Variants in DTWD1 observed in about 807,000 individuals in gnomAD.
The protein encoded by DTWD1 is DTW motif tRNA-uridine aminocarboxypropyltransferase 1, also known as tRNA-uridine aminocarboxypropyltransferase 1.
Under a neutral mutation model 30.2 loss-of-function variants are expected in DTWD1, and 27 were observed. That is an observed-to-expected ratio of 0.90 (90% CI 0.66 to 1.23). DTWD1 has a LOEUF of 1.23. DTWD1 is among the 50% of genes most tolerant of loss of function. The probability of loss-of-function intolerance (pLI) is 0.00; values close to 1 mark genes in which losing one functional copy is unlikely to be tolerated. For missense variants in DTWD1, 342 were observed against 348.8 expected (o/e 0.98, Z 0.15); for synonymous variants, 99 against 113.1 (o/e 0.88, Z 0.79).
chr15:49,625,939 A>G (rs778837884), intron 2 of DTWD1, among the ~76,000 whole-genome samples: 3 of 152,148 alleles, frequency 2.0e-5, no homozygotes, highest in Non-Finnish European at 4.4e-5. Context: ...CTTCTGAACA[A>G]AGAATAAGAA....
At chr15:49,634,862 A>G in intron 4 of DTWD1, 68 bp downstream of exon 4, 4 of 1,439,598 alleles carry the variant, frequency 2.8e-6, no homozygotes, top group Non-Finnish European at 2.8e-6. Flanking sequence ...TCAAACTTAC[A>G]GATAATTTGA....
intron 4 of DTWD1, among the ~76,000 whole-genome samples, chr15:49,640,032 AC>A (rs2079047613): frequency 6.6e-6 from 1 of 152,186 alleles, no homozygotes; most frequent in South Asian, 2.1e-4. Context: ...GATATAATGA[AC>A]AATTAAGAAC....
At chr15:49,634,484 A>G in intron 3 of DTWD1, 52 bp from the exon 4 acceptor site, 4 of 1,499,984 alleles carry the variant, frequency 2.7e-6, no homozygotes, top group East Asian at 4.6e-5. Flanking sequence ...CAAAATTTAT[A>G]TATTTTGAAG....
intron 2 of DTWD1, chr15:49,629,558 T>G (rs1398397481): frequency 6.6e-6 from 1 of 152,184 alleles, no homozygotes; most frequent in African/African-American, 2.4e-5. Flanking sequence ...TTTTTTTCTT[T>G]TCTTACTTCC....
chr15:49,648,945 GA>G lies in DTWD1; in HGVS notation c.*5374del, dbSNP rs1049252996. The G allele has an allele frequency of 1.3e-5, 2 of 151,962 alleles. No homozygotes were observed. The highest frequency in any genetic ancestry group is 3.9e-4 in the East Asian group (2 of 5,184). The allele number at this position is 151,962 out of a possible 1,614,324, so 9.4% of individuals were successfully genotyped here. A position where few individuals can be genotyped will look rare whatever the true frequency, so the allele number is the denominator to read the frequency against. ...CTCAGAAAGTCAAAGAAAATAGGAGGAAAAAAACTTAAGATTAAGGGCCAAT... is the reference window on the plus strand; with the variant it reads ...CTCAGAAAGTCAAAGAAAATAGGAGGAAAAAACTTAAGATTAAGGGCCAAT... On this transcript the variant is annotated 3_prime_UTR_variant, in exon 5 of 5. Transcript: ENST00000403028.
intron 3 of DTWD1, 104 bp from the exon 4 acceptor site, chr15:49,634,432 T>G: frequency 7.7e-7 from 1 of 1,299,056 alleles, no homozygotes; most frequent in Admixed American, 2.7e-5. Context: ...AATGCTTATT[T>G]CTCAGATATT....
intron 1 of DTWD1, among the ~76,000 whole-genome samples, chr15:49,624,355 A>T (rs945501942): frequency 1.3e-5 from 2 of 152,198 alleles, no homozygotes; most frequent in Non-Finnish European, 1.5e-5. Context: ...CCCTTGAAAG[A>T]TATCTTCCTT....
At position 49,654,017 on chromosome 15, in the gene DTWD1, G is replaced by A. The variant is rs898097326; in HGVS notation, c.*10439G>A. 5.3e-5 allele frequency: 8 copies of A among 152,120 alleles called. No individual in the cohort carries two copies. Among genetic ancestry groups the A allele is most frequent in the Admixed American group, 3.3e-4 (5 of 15,258 alleles). The allele number at this position is 152,120 out of a possible 1,614,324, so 9.4% of individuals were successfully genotyped here. On this transcript the variant is annotated 3_prime_UTR_variant, in exon 5 of 5. Coordinates refer to ENST00000403028, the MANE Select transcript of DTWD1 (RefSeq NM_001144955.2). ...GGAATAGCCTCTTCCTTTGGTGTAGGGGGACCCTGAAAACAATTTAATTTT... is the reference window on the plus strand; with the variant it reads ...GGAATAGCCTCTTCCTTTGGTGTAGAGGGACCCTGAAAACAATTTAATTTT...
chr15:49,637,944 G>C (rs2079022211), intron 4 of DTWD1, among the ~76,000 whole-genome samples: 1 of 152,206 alleles, frequency 6.6e-6, no homozygotes, highest in South Asian at 2.1e-4. Flanking sequence ...TGTCTTATGT[G>C]TGTGGGAGAG....
rs1374796796 is a variant in DTWD1, at chr15:49,634,905, G to T, written c.667+111G>T. The stretch of plus-strand genomic sequence containing the variant: ...GTTACACTGAATACCTATACATTTT[G>T]CCATATTTACTTTATTTCTCTCTTT... On this transcript the variant is annotated intron_variant, in intron 4 of 4. Coordinates refer to ENST00000403028, the MANE Select transcript of DTWD1 (RefSeq NM_001144955.2). The T allele has an allele frequency of 1.8e-5, 18 of 997,254 alleles. No homozygotes were observed. The East Asian group carries it at 4.5e-4, about 25-fold the overall frequency. The allele number at this position is 997,254 out of a possible 1,614,324, so 61.8% of individuals were successfully genotyped here.
rs2079136831 is a variant in DTWD1, at chr15:49,648,950, AAACTT to A, written c.*5375_*5379del. 1 of 152,184 alleles carries A rather than the reference AAACTT, an allele frequency of 6.6e-6. No homozygotes were observed. The highest frequency in any genetic ancestry group is 2.4e-5 in the African/African-American group (1 of 41,448). The allele number at this position is 152,184 out of a possible 1,614,324, so 9.4% of individuals were successfully genotyped here. ...AAAGTCAAAGAAAATAGGAGGAAAAAAACTTAAGATTAAGGGCCAATCTAAGAGGT... is the reference window on the plus strand; with the variant it reads ...AAAGTCAAAGAAAATAGGAGGAAAAAAAGATTAAGGGCCAATCTAAGAGGT... On this transcript the variant is annotated 3_prime_UTR_variant, in exon 5 of 5. Transcript: ENST00000403028.
At chr15:49,637,667 G>C (rs2079019353) in intron 4 of DTWD1, among the ~76,000 whole-genome samples, 1 of 152,158 alleles carries the variant, frequency 6.6e-6, no homozygotes, top group African/African-American at 2.4e-5. Context: ...TGATTAGAAG[G>C]CAAGAAAGCT....
Position 49,646,323 on chromosome 15 carries a change from T to G in DTWD1, c.*2745T>G, listed in dbSNP as rs1353482001. The stretch of plus-strand genomic sequence containing the variant: ...TATAGATATCTCATCTTTGGATGCA[T>G]TATCAGATCATCTTCTTCAAGTACC... On this transcript the variant is annotated 3_prime_UTR_variant, in exon 5 of 5. Coordinates refer to ENST00000403028, the MANE Select transcript of DTWD1 (RefSeq NM_001144955.2). 1 of 152,220 alleles carries G rather than the reference T, an allele frequency of 6.6e-6. No homozygotes were observed. Among genetic ancestry groups the G allele is most frequent in the Non-Finnish European group, 1.5e-5 (1 of 68,042 alleles). 9.4% of individuals were successfully genotyped at this position (152,220 alleles called of 1,614,324 possible). A position where few individuals can be genotyped will look rare whatever the true frequency, so the allele number is the denominator to read the frequency against.
At position 49,647,004 on chromosome 15, in the gene DTWD1, C is replaced by T. The variant is rs182471495; in HGVS notation, c.*3426C>T. The T allele has an allele frequency of 2.6e-5, 4 of 152,112 alleles. No individual in the cohort carries two copies. The East Asian group carries it at 5.8e-4, about 22-fold the overall frequency. 9.4% of individuals were successfully genotyped at this position (152,112 alleles called of 1,614,324 possible). On this transcript the variant is annotated 3_prime_UTR_variant, in exon 5 of 5. Coordinates refer to ENST00000403028, the MANE Select transcript of DTWD1 (RefSeq NM_001144955.2). ...GTTTAGTAAAGAAATTAAGGTTTAC[C>T]CCAATGTGAGAATTACTGGGGTAAT...
intron 4 of DTWD1, among the ~76,000 whole-genome samples, chr15:49,640,077 A>G (rs1236752954): frequency 6.6e-6 from 1 of 152,120 alleles, no homozygotes; most frequent in Non-Finnish European, 1.5e-5. Flanking sequence ...CCATTTACCT[A>G]TGTTTTCCCT....
At position 49,655,204 on chromosome 15, in the gene DTWD1, A is replaced by G. The variant is rs1277158738; in HGVS notation, c.*11626A>G. 1.3e-5 allele frequency: 2 copies of G among 152,130 alleles called. No individual in the cohort carries two copies. Among genetic ancestry groups the G allele is most frequent in the Non-Finnish European group, 2.9e-5 (2 of 68,016 alleles). The allele number at this position is 152,130 out of a possible 1,614,324, so 9.4% of individuals were successfully genotyped here. ...TTAGCCATTATCTGCATGCAACCACATAAGTGACCCTGGGTAACACCATCT... is the reference window on the plus strand; with the variant it reads ...TTAGCCATTATCTGCATGCAACCACGTAAGTGACCCTGGGTAACACCATCT... On this transcript the variant is annotated 3_prime_UTR_variant, in exon 5 of 5. Transcript: ENST00000403028.
At position 49,643,511 on chromosome 15, in the gene DTWD1, T is replaced by C. The variant is rs1182231325; in HGVS notation, c.848T>C (p.Phe283Ser). ...GACAATCTTTTATTTTTCTATTCTT[T>C]TATGTACCAGTTGATAAAGAATGCC... is the stretch of plus-strand genomic sequence containing the variant. ...QYDNLLFFYS[F>S]MYQLIKNAKC... is the part of the protein sequence containing the mutation. The change falls in exon 5 of 5, where the codon TTT (phenylalanine) becomes TCT (serine). Residue 283 changes from phenylalanine (F) to serine (S), a missense_variant. Transcript: ENST00000403028. 2 of 1,608,824 alleles carry C rather than the reference T, an allele frequency of 1.2e-6. No homozygotes were observed. The highest frequency in any genetic ancestry group is 3.4e-5 in the Admixed American group (2 of 59,404).
intron 4 of DTWD1, among the ~76,000 whole-genome samples, chr15:49,641,224 CTTAA>C (rs1242780798): frequency 1.1e-4 from 16 of 151,898 alleles, no homozygotes; most frequent in African/African-American, 3.9e-4. Flanking sequence ...TTTCTACCAT[CTTAA>C]TTTTTATTTC....
chr15:49,643,302 CTTTCTTTTTTTT>C lies in DTWD1; in HGVS notation c.668-25_668-14del. The C allele has an allele frequency of 1.7e-6, 2 of 1,199,952 alleles. No individual in the cohort carries two copies. The highest frequency in any genetic ancestry group is 2.2e-6 in the Non-Finnish European group (2 of 914,032). The allele number at this position is 1,199,952 out of a possible 1,614,324, so 74.3% of individuals were successfully genotyped here. A position where few individuals can be genotyped will look rare whatever the true frequency, so the allele number is the denominator to read the frequency against. On this transcript the variant is annotated splice_polypyrimidine_tract_variant and intron_variant, in intron 4 of 4. Transcript: ENST00000403028. ...AAATATTTATATTTTTTCTTTCTTT[CTTTCTTTTTTTT>C]TTTTTTTTTTTGACAGGGTTGTTAC...
Sources: allele counts gnomAD v4.1 joint callset (sites outside exome capture counted in the v4.1 genomes callset), GRCh38; gene constraint gnomAD v4.1.1; transcripts MANE v1.5; gene names NCBI Gene and HGNC (gene_info 2026-07-23, HGNC 2026-07-21).